NPR2: variants seen among roughly 807,000 people sequenced by gnomAD.
The protein encoded by NPR2 is natriuretic peptide receptor 2.
Under a neutral mutation model 120.7 loss-of-function variants are expected in NPR2, and 49 were observed. The observed-to-expected ratio is 0.41, with a 90% confidence interval of 0.32 to 0.52. NPR2 has a LOEUF of 0.52. Among genes scored for constraint, NPR2 ranks in the 20% least tolerant of loss-of-function variants. The probability of loss-of-function intolerance (pLI) is 0.36; values close to 1 mark genes in which losing one functional copy is unlikely to be tolerated. For missense variants in NPR2, 931 were observed against 1,362.9 expected, an observed-to-expected ratio of 0.68 and a Z score of 4.99; for synonymous variants, 484 against 519.8, an observed-to-expected ratio of 0.93 and a Z score of 0.94.
intron 2 of NPR2, among the ~76,000 whole-genome samples, chr9:35,796,746 G>A (rs1287540547): frequency 6.6e-6 from 1 of 152,190 alleles, no homozygotes; most frequent in Admixed American, 6.5e-5. Context: ...TTGGGTAGGT[G>A]GGGCTGAGGG....
In NPR2 at chr9:35,792,275, T is replaced by A. The variant is rs902159387; in HGVS notation, c.-134T>A. ...TCCCCGGCCCCCAGCACCTTCTGCATCCCAGCCTACCTAGCCTACTCCTCC... is the reference window on the plus strand; with the variant it reads ...TCCCCGGCCCCCAGCACCTTCTGCAACCCAGCCTACCTAGCCTACTCCTCC... On this transcript the variant is annotated 5_prime_UTR_variant, in exon 1 of 22. Transcript: ENST00000342694. The A allele has an allele frequency of 2.8e-6, 2 of 706,382 alleles. No homozygotes were observed. Among genetic ancestry groups the A allele is most frequent in the Non-Finnish European group, 4.2e-6 (2 of 478,840 alleles). 43.8% of individuals were successfully genotyped at this position (706,382 alleles called of 1,614,324 possible). A position where few individuals can be genotyped will look rare whatever the true frequency, so the allele number is the denominator to read the frequency against.
chr9:35,808,630 G>C lies in NPR2; in HGVS notation c.2834G>C (p.Arg945Pro), dbSNP rs1233257228. The C allele has an allele frequency of 1.2e-6, 2 of 1,613,826 alleles. No homozygotes were observed. The highest frequency in any genetic ancestry group is 2.2e-5 in the South Asian group (2 of 91,076). ...LALLDAVSSF[R>P]IRHRPHDQLR... ...TTACTAGATGCAGTTTCTTCCTTTCGCATCCGCCACCGACCCCATGACCAG... is the reference window on the plus strand; with the variant it reads ...TTACTAGATGCAGTTTCTTCCTTTCCCATCCGCCACCGACCCCATGACCAG... The change falls in exon 19 of 22, where the codon CGC (arginine) becomes CCC (proline). Residue 945 changes from arginine to proline, a missense_variant. Around this residue, in one of 3 missense-constraint regions of NPR2, gnomAD observed 184 missense variants for 328.3 expected, o/e 0.56. Coordinates refer to ENST00000342694, the MANE Select transcript of NPR2 (RefSeq NM_003995.4). This position sits in a 1 kb window ranked among gnomAD's most constrained non-coding sequence, Gnocchi z 4.0.
rs1828184008 is a variant in NPR2, at chr9:35,801,957, C to A, written c.1589C>A (p.Ala530Asp). The A allele has an allele frequency of 6.2e-7, 1 of 1,614,122 alleles. No homozygotes were observed. Among genetic ancestry groups the A allele is most frequent in the East Asian group, 2.2e-5 (1 of 44,880 alleles). Reference sequence around the variant, plus strand: ...TCCAGTTACGGCTCGCTCATGACAGCCCATGGGAAATACCAGATCTTTGCC... The same window carrying A: ...TCCAGTTACGGCTCGCTCATGACAGACCATGGGAAATACCAGATCTTTGCC... ...RGSSYGSLMT[A>D]HGKYQIFANT... The change falls in exon 9 of 22, where the codon GCC (alanine) becomes GAC (aspartate). Residue 530 changes from alanine (A) to aspartate (D), a missense_variant. By Grantham distance (126) the Ala-to-Asp change is moderately radical. Around this residue, in one of 3 missense-constraint regions of NPR2, gnomAD observed 681 missense variants for 974.3 expected, o/e 0.70. Transcript: ENST00000342694.
Position 35,800,320 on chromosome 9 carries a change from G to C in NPR2, c.1124-69G>C. The C allele has an allele frequency of 6.8e-7, 1 of 1,474,902 alleles. No homozygotes were observed. Among genetic ancestry groups the C allele is most frequent in the Non-Finnish European group, 9.5e-7 (1 of 1,053,082 alleles). The allele number at this position is 1,474,902 out of a possible 1,614,324, so 91.4% of individuals were successfully genotyped here. ...GGGAAGGGTAGACTCTGAGGGAGCC[G>C]TAGGCATGAGTGAGTGGGAGAGGAG... On this transcript the variant is annotated intron_variant, in intron 4 of 21. Coordinates refer to ENST00000342694, the MANE Select transcript of NPR2 (RefSeq NM_003995.4). This position sits in a 1 kb window ranked among gnomAD's most constrained non-coding sequence, Gnocchi z 4.7.
intron 18 of NPR2, 109 bp downstream of exon 18, chr9:35,807,507 C>T: frequency 1.1e-6 from 1 of 878,496 alleles, no homozygotes. Context: ...TCAGTTTTCC[C>T]TCCAGGGTAC....
In NPR2 at chr9:35,792,398, G is replaced by A; in HGVS notation, c.-11G>A. ...AAGTTCTGGGGGCGGTGGGGCTGCT[G>A]CTTTATCCCCATGGCGCTGCCATCA... On this transcript the variant is annotated 5_prime_UTR_variant, in exon 1 of 22. Coordinates refer to ENST00000342694, the MANE Select transcript of NPR2 (RefSeq NM_003995.4). 1 of 1,609,548 alleles carries A rather than the reference G, an allele frequency of 6.2e-7. No individual in the cohort carries two copies. Among genetic ancestry groups the A allele is most frequent in the Non-Finnish European group, 8.5e-7 (1 of 1,179,336 alleles).
chr9:35,794,258 T>C lies in NPR2; in HGVS notation c.873+155T>C, dbSNP rs569789507. On this transcript the variant is annotated intron_variant, in intron 2 of 21. Transcript: ENST00000342694. ...GGCATTCTGAGTCTAGTGTCACCCT[T>C]TCTTACTTCTCTACTTTTGTGACTC... Among the ~76,000 whole-genome samples, 233 of 152,370 alleles carry C rather than the reference T, an allele frequency of 1.5e-3. 1 individual carries two copies. Among genetic ancestry groups the C allele is most frequent in the African/African-American group, 5.5e-3 (228 of 41,582 alleles).
At chr9:35,804,373 A>G (rs1588064241) in intron 12 of NPR2, among the ~76,000 whole-genome samples, 1 of 151,962 alleles carries the variant, frequency 6.6e-6, no homozygotes, top group African/African-American at 2.4e-5. Context: ...AGCTGGGACC[A>G]CAGCGTGTGC....
At position 35,792,639 on chromosome 9, in the gene NPR2, G is replaced by A; in HGVS notation, c.231G>A (p.Glu77=). 1 of 1,614,056 alleles carries A rather than the reference G, an allele frequency of 6.2e-7. No homozygotes were observed. The highest frequency in any genetic ancestry group is 8.5e-7 in the Non-Finnish European group (1 of 1,180,044). ...VSSELEGACS[E]YLAPLSAVDL... is the part of the protein sequence containing the mutation. ...CCGAACTGGAAGGCGCCTGCTCTGAGTACCTGGCACCGCTGAGCGCTGTGG... is the reference window on the plus strand; with the variant it reads ...CCGAACTGGAAGGCGCCTGCTCTGAATACCTGGCACCGCTGAGCGCTGTGG... Residue 77 remains glutamate, a synonymous_variant, in exon 1 of 22, where the codon GAG becomes GAA. Coordinates refer to ENST00000342694, the MANE Select transcript of NPR2 (RefSeq NM_003995.4).
rs1827792275 is a variant in NPR2 at position 35,791,903 on chromosome 9, A to T, written c.-506A>T. Among the ~76,000 whole-genome samples, 1 of 149,750 alleles carries T rather than the reference A, an allele frequency of 6.7e-6. No homozygotes were observed. ...GCCTCGCTTCGCTCCCCGCCTGCCC[A>T]TGATCCCAGTCCTTCCGCGGCGCGG... On this transcript the variant is annotated 5_prime_UTR_variant, in exon 1 of 22. The change abolishes an upstream ATG in the 5' untranslated region. Coordinates refer to ENST00000342694, the MANE Select transcript of NPR2 (RefSeq NM_003995.4).
chr9:35,806,142 C>T lies in NPR2; in HGVS notation c.2281C>T (p.Leu761=), dbSNP rs1481862376. 5.6e-6 allele frequency: 9 copies of T among 1,614,084 alleles called. No individual in the cohort carries two copies. Among genetic ancestry groups the T allele is most frequent in the Admixed American group, 5.0e-5 (3 of 60,000 alleles). The change falls in exon 15 of 22, where the codon CTA becomes TTA. Residue 761 remains leucine (L), a synonymous_variant. Transcript: ENST00000342694. This position sits in a 1 kb window ranked among gnomAD's most constrained non-coding sequence, Gnocchi z 4.6. ...SIDRTQLNEE[L]VLLMERCWAQ... ...TGACCGGACCCAACTGAATGAAGAG[C>T]TAGTTTTGCTGATGGAGCGATGTTG... is the stretch of plus-strand genomic sequence containing the variant.
At position 35,801,946 on chromosome 9, in the gene NPR2, G is replaced by A. The variant is rs778701734; in HGVS notation, c.1578G>A (p.Ser526=). The part of the protein sequence containing the change: ...TLSLRGSSYG[S]LMTAHGKYQI... ...CCCAGCGGGGATCCAGTTACGGCTC[G>A]CTCATGACAGCCCATGGGAAATACC... The change falls in exon 9 of 22, where the codon TCG becomes TCA. Residue 526 remains serine, a synonymous_variant. Transcript: ENST00000342694. The A allele has an allele frequency of 6.8e-6, 11 of 1,609,788 alleles. No homozygotes were observed. In the African/African-American group the frequency reaches 9.4e-5, roughly 14 times the overall value.
At chr9:35,801,595 G>C (rs906719644) in intron 7 of NPR2, 48 bp from the exon 8 acceptor site, 2 of 1,612,606 alleles carry the variant, frequency 1.2e-6, no homozygotes, top group African/African-American at 2.7e-5. Context: ...TGGCTTGGGG[G>C]TGGCAGGATT....
At position 35,809,653 on chromosome 9, in the gene NPR2, T is replaced by A; in HGVS notation, c.*208T>A. ...TCTCTGGCTTGGTCCCCTTCCTCCCTACTTTCTGTAAATATCTGTATCTAA... is the reference window on the plus strand; with the variant it reads ...TCTCTGGCTTGGTCCCCTTCCTCCCAACTTTCTGTAAATATCTGTATCTAA... On this transcript the variant is annotated 3_prime_UTR_variant, in exon 22 of 22. Coordinates refer to ENST00000342694, the MANE Select transcript of NPR2 (RefSeq NM_003995.4). The surrounding 1 kb of genome is among the most constrained non-coding windows in gnomAD (Gnocchi z 4.1). The A allele has an allele frequency of 9.0e-7, 1 of 1,117,142 alleles. No homozygotes were observed. Among genetic ancestry groups the A allele is most frequent in the Non-Finnish European group, 1.4e-6 (1 of 738,560 alleles). 69.2% of individuals were successfully genotyped at this position (1,117,142 alleles called of 1,614,324 possible). A position where few individuals can be genotyped will look rare whatever the true frequency, so the allele number is the denominator to read the frequency against.
Position 35,800,028 on chromosome 9 carries a change from C to T in NPR2, c.994C>T (p.Leu332Phe), listed in dbSNP as rs1199446417. 3 of 1,613,902 alleles carry T rather than the reference C, an allele frequency of 1.9e-6. No individual in the cohort carries two copies. Among genetic ancestry groups the T allele is most frequent in the South Asian group, 1.1e-5 (1 of 91,072 alleles). ...GVELGPSLMN[L>F]IAGCFYDGIL... ...CTGAAGTTGCCACCCCCAGATGAAC[C>T]TCATCGCTGGCTGCTTCTATGATGG... Residue 332 changes from leucine to phenylalanine, a missense_variant, in exon 4 of 22, where the codon CTC becomes TTC. This residue lies in a region of NPR2 where 681 missense variants were observed against 974.3 expected (regional missense o/e 0.70). Transcript: ENST00000342694. The surrounding 1 kb of genome is among the most constrained non-coding windows in gnomAD (Gnocchi z 4.7).
Position 35,805,683 on chromosome 9 carries a change from C to T in NPR2, c.2047+13C>T. The T allele has an allele frequency of 1.2e-6, 2 of 1,613,852 alleles. No individual in the cohort carries two copies. Among genetic ancestry groups the T allele is most frequent in the African/African-American group, 1.3e-5 (1 of 75,040 alleles). ...GCCCTCTATGCCAGTGAGGCCCACC[C>T]CCACAACCCACTTTTTATATTGCTC... On this transcript the variant is annotated intron_variant, in intron 13 of 21. Transcript: ENST00000342694. The surrounding 1 kb of genome is among the most constrained non-coding windows in gnomAD (Gnocchi z 4.9).
In NPR2 at chr9:35,808,885, C is replaced by A; in HGVS notation, c.2986+32C>A. ...CATTAGCCCTCAACCCCACTGTTGGCCTCAATTTATCTTGCCCTTTTCTTC... is the reference window on the plus strand; with the variant it reads ...CATTAGCCCTCAACCCCACTGTTGGACTCAATTTATCTTGCCCTTTTCTTC... On this transcript the variant is annotated intron_variant, in intron 20 of 21. Coordinates refer to ENST00000342694, the MANE Select transcript of NPR2 (RefSeq NM_003995.4). The surrounding 1 kb of genome is among the most constrained non-coding windows in gnomAD (Gnocchi z 4.0). 7.7e-7 allele frequency: 1 copy of A among 1,298,912 alleles called. No homozygotes were observed. The highest frequency in any genetic ancestry group is 1.1e-6 in the Non-Finnish European group (1 of 891,996). The allele number at this position is 1,298,912 out of a possible 1,614,324, so 80.5% of individuals were successfully genotyped here.
chr9:35,797,551 T>C (rs962146279), intron 2 of NPR2, among the ~76,000 whole-genome samples: 1 of 152,188 alleles, frequency 6.6e-6, no homozygotes, highest in Non-Finnish European at 1.5e-5. Flanking sequence ...TAGAGGCAGG[T>C]GCCTCCTGAG....
Position 35,809,226 on chromosome 9 carries a change from T to G in NPR2, c.3057T>G (p.Leu1019=). The change falls in exon 21 of 22, where the codon CTT becomes CTG. Residue 1019 remains leucine, a synonymous_variant. Coordinates refer to ENST00000342694, the MANE Select transcript of NPR2 (RefSeq NM_003995.4). The surrounding 1 kb of genome is among the most constrained non-coding windows in gnomAD (Gnocchi z 4.1). Reference sequence around the variant, plus strand: ...AGCTAGGATGCTTCCAGCTAGAGCTTCGGGGGGATGTGGAAATGAAGGTGA... The same window carrying G: ...AGCTAGGATGCTTCCAGCTAGAGCTGCGGGGGGATGTGGAAATGAAGGTGA... ...LDELGCFQLE[L]RGDVEMKGKG... The G allele has an allele frequency of 6.2e-7, 1 of 1,613,756 alleles. No homozygotes were observed. The highest frequency in any genetic ancestry group is 8.5e-7 in the Non-Finnish European group (1 of 1,179,952).
Sources: gnomAD v4.1 joint callset for allele counts (sites outside exome capture counted in the v4.1 genomes callset) on GRCh38, gnomAD v4.1.1 for gene constraint, gnomAD v4.1.1 regional missense constraint, Gnocchi (gnomAD v3.1) non-coding constraint, MANE v1.5 for transcripts, NCBI Gene and HGNC (gene_info 2026-07-23, HGNC 2026-07-21) for gene names.